Variants in PTPRT observed in about 807,000 individuals in gnomAD.
PTPRT encodes protein tyrosine phosphatase receptor type T.
In PTPRT, 56 loss-of-function variants were observed where a neutral mutation model predicts 176.8. The ratio of observed to expected loss-of-function variants is 0.32; its 90% CI spans 0.26 to 0.40. The LOEUF is 0.40. Among genes scored for constraint, PTPRT ranks in the 10% least tolerant of loss-of-function variants. The pLI is 1.00. For synonymous variants in PTPRT, 783 were observed against 739.0 expected (o/e 1.06, Z -0.96); for missense variants, 1,540 against 1,908.2 (o/e 0.81, Z 3.60).
chr20:42,150,679 C>T (rs1424077934), intron 17 of PTPRT, among the ~76,000 whole-genome samples: 1 of 152,192 alleles, frequency 6.6e-6, no homozygotes, highest in East Asian at 1.9e-4. Flanking sequence ...AATATTTTTA[C>T]TGCAAATAAG....
chr20:42,489,792 GAC>G (rs10562515), intron 7 of PTPRT, among the ~76,000 whole-genome samples: 19,916 of 152,010 alleles, frequency 0.13, 3,066 homozygotes, highest in African/African-American at 0.38. Flanking sequence ...CCCTATGAAA[GAC>G]ACAAACTTTT....
chr20:42,956,093 C>G (rs963898592), intron 1 of PTPRT, among the ~76,000 whole-genome samples: 12 of 152,184 alleles, frequency 7.9e-5, no homozygotes, highest in Non-Finnish European at 1.6e-4. Context: ...ATTGCATGTA[C>G]AGGTTGTGAC....
intron 1 of PTPRT, among the ~76,000 whole-genome samples, chr20:42,927,502 T>C (rs1314026817): frequency 1.3e-5 from 2 of 151,792 alleles, no homozygotes; most frequent in Admixed American, 6.6e-5. Context: ...GCAGAGGGTG[T>C]AGTGAGCCAG....
At chr20:42,254,422 CATTG>C (rs2146938088) in intron 13 of PTPRT, among the ~76,000 whole-genome samples, 2 of 152,296 alleles carry the variant, frequency 1.3e-5, no homozygotes, top group East Asian at 3.9e-4. Context: ...TTGAGGTACA[CATTG>C]ATTGAGATGC....
At chr20:42,100,514 G>T (rs1444594839) in intron 26 of PTPRT, among the ~76,000 whole-genome samples, 1 of 152,214 alleles carries the variant, frequency 6.6e-6, no homozygotes, top group Non-Finnish European at 1.5e-5. Context: ...TGGACAAAGA[G>T]AATACAATCA....
At chr20:42,317,993 G>A (rs2057745403) in intron 11 of PTPRT, among the ~76,000 whole-genome samples, 2 of 152,158 alleles carry the variant, frequency 1.3e-5, no homozygotes, top group South Asian at 4.1e-4. Flanking sequence ...TTCCAAGTGA[G>A]GATCTGTATT....
At chr20:42,260,761 A>G (rs2146962485) in intron 13 of PTPRT, among the ~76,000 whole-genome samples, 1 of 152,280 alleles carries the variant, frequency 6.6e-6, no homozygotes, top group South Asian at 2.1e-4. Context: ...CCAGGGCATG[A>G]CCAGCAAGCA....
At chr20:42,789,488 C>A (rs548647655) in intron 3 of PTPRT, among the ~76,000 whole-genome samples, 1 of 152,268 alleles carries the variant, frequency 6.6e-6, no homozygotes, top group East Asian at 1.9e-4. Context: ...TTCGTTTCAT[C>A]ACCTATAAAA....
chr20:42,722,608 T>C (rs907670069), intron 6 of PTPRT, among the ~76,000 whole-genome samples: 1 of 152,162 alleles, frequency 6.6e-6, no homozygotes, highest in African/African-American at 2.4e-5. Flanking sequence ...GGTCACTCTG[T>C]CTGCTCTCTG....
intron 6 of PTPRT, among the ~76,000 whole-genome samples, chr20:42,702,574 T>A (rs948068844): frequency 6.6e-6 from 1 of 152,178 alleles, no homozygotes; most frequent in Non-Finnish European, 1.5e-5. Context: ...ACAATCTACT[T>A]CAGTGCATCT....
intron 11 of PTPRT, among the ~76,000 whole-genome samples, chr20:42,331,329 G>A (rs529242226): frequency 2.0e-5 from 3 of 152,158 alleles, no homozygotes; most frequent in Admixed American, 6.5e-5. Context: ...GTTTTTAAAA[G>A]AGTAATCAGT....
chr20:42,699,323 C>T (rs540144158), intron 6 of PTPRT, among the ~76,000 whole-genome samples: 88 of 152,216 alleles, frequency 5.8e-4, no homozygotes, highest in African/African-American at 2.0e-3. Context: ...TCCTTCAAGG[C>T]CCTGTTAATA....
intron 7 of PTPRT, among the ~76,000 whole-genome samples, chr20:42,586,699 G>C (rs757179732): frequency 1.3e-5 from 2 of 152,152 alleles, no homozygotes; most frequent in African/African-American, 2.4e-5. Flanking sequence ...ATGTCAAAGA[G>C]AGCATGCTAT....
At chr20:42,876,052 T>C (rs1025359889) in intron 2 of PTPRT, among the ~76,000 whole-genome samples, 1 of 152,160 alleles carries the variant, frequency 6.6e-6, no homozygotes, top group African/African-American at 2.4e-5. Context: ...CCTCTCTCCA[T>C]CCTCCTTCAC....
chr20:42,365,875 G>A (rs183529978), intron 9 of PTPRT, among the ~76,000 whole-genome samples: 4 of 152,274 alleles, frequency 2.6e-5, no homozygotes, highest in African/African-American at 7.2e-5. Context: ...CAGTTCTTGT[G>A]GGAAAGCATC....
At chr20:42,675,978 T>C (rs2075494578) in intron 7 of PTPRT, among the ~76,000 whole-genome samples, 1 of 152,260 alleles carries the variant, frequency 6.6e-6, no homozygotes, top group African/African-American at 2.4e-5. Flanking sequence ...TGGTTTCCTG[T>C]TCTGCTATGA....
intron 7 of PTPRT, among the ~76,000 whole-genome samples, chr20:42,612,274 C>T (rs1175369436): frequency 1.3e-5 from 2 of 152,188 alleles, no homozygotes; most frequent in Non-Finnish European, 2.9e-5. Flanking sequence ...ATGTATTCTC[C>T]ACACATCCAC....
chr20:42,803,665 T>G (rs1367962730), intron 2 of PTPRT, among the ~76,000 whole-genome samples: 1 of 152,230 alleles, frequency 6.6e-6, no homozygotes, highest in Non-Finnish European at 1.5e-5. Context: ...ACAATTCTCC[T>G]GCCTAAGCCT....
At chr20:42,052,830 A>G in the PTPRT span, among the ~76,000 whole-genome samples, 1 of 152,150 alleles carries the variant, frequency 6.6e-6, no homozygotes, top group Non-Finnish European at 1.5e-5. Context: ...GGTCAGGAAT[A>G]AAGTGCTCTT....
Sources: allele counts gnomAD v4.1 joint callset (sites outside exome capture counted in the v4.1 genomes callset), GRCh38; gene constraint gnomAD v4.1.1; transcripts MANE v1.5; gene names NCBI Gene and HGNC (gene_info 2026-07-23, HGNC 2026-07-21).